The following CLTC variants were observed in gnomAD, a reference collection of about 807,000 sequenced individuals.
The protein encoded by CLTC is clathrin heavy chain.
Under a neutral mutation model 195.8 loss-of-function variants are expected in CLTC, and 16 were observed. The observed-to-expected ratio is 0.08, with a 90% CI of 0.06 to 0.12. The LOEUF (loss-of-function observed/expected upper bound fraction) is 0.12, where lower values mean the gene tolerates loss of function less well. Ranked by LOEUF, CLTC falls within the 10% of genes least tolerant of loss-of-function variation. CLTC has a pLI of 1.00. For synonymous variants in CLTC, 667 were observed against 689.4 expected (o/e 0.97, Z 0.51); for missense variants, 796 against 2,027.0 (o/e 0.39, Z 11.66).
chr17:59,644,354 A>C lies in CLTC; in HGVS notation c.121A>C (p.Arg41=), dbSNP rs547846963. 22 of 1,614,130 alleles carry C rather than the reference A, an allele frequency of 1.4e-5. No individual in the cohort carries two copies. The South Asian group carries it at 2.2e-4, about 16-fold the overall frequency. ...GGAGTCTGACAAATTCATCTGCATT[A>C]GAGAAAAAGTAGGAGAGCAGGCCCA... ...TMESDKFICI[R]EKVGEQAQVV... The change falls in exon 2 of 32, where the codon AGA becomes CGA. Residue 41 remains arginine, a synonymous_variant. Coordinates refer to ENST00000269122, the MANE Select transcript of CLTC (RefSeq NM_004859.4).
At chr17:59,656,051 C>A in intron 6 of CLTC, 24 bp downstream of exon 6, 1 of 1,589,066 alleles carries the variant, frequency 6.3e-7, no homozygotes, top group South Asian at 1.2e-5. Flanking sequence ...GAAACTTAAG[C>A]AATAAAATAA....
Position 59,666,398 on chromosome 17 carries a change from A to T in CLTC, c.1783-82A>T. 6.5e-7 allele frequency: 1 copy of T among 1,534,414 alleles called. No individual in the cohort carries two copies. The highest frequency in any genetic ancestry group is 8.9e-7 in the Non-Finnish European group (1 of 1,128,236). On this transcript the variant is annotated intron_variant, in intron 11 of 31. Coordinates refer to ENST00000269122, the MANE Select transcript of CLTC (RefSeq NM_004859.4). The surrounding 1 kb of genome is among the most constrained non-coding windows in gnomAD (Gnocchi z 4.9). ...TTTTGTACTTTAACAGTTCACTATT[A>T]AACCTTAATCTGTAATACGGATATT...
At chr17:59,665,615 G>A (rs2032711584) in intron 10 of CLTC, among the ~76,000 whole-genome samples, 1 of 152,138 alleles carries the variant, frequency 6.6e-6, no homozygotes, top group Non-Finnish European at 1.5e-5. Flanking sequence ...GAGGTGGGCA[G>A]ATCACCTGAG....
chr17:59,685,549 G>A lies in CLTC; in HGVS notation c.4606-38G>A. 6.6e-7 allele frequency: 1 copy of A among 1,512,102 alleles called. No individual in the cohort carries two copies. Among genetic ancestry groups the A allele is most frequent in the Non-Finnish European group, 9.2e-7 (1 of 1,089,756 alleles). The allele number at this position is 1,512,102 out of a possible 1,614,324, so 93.7% of individuals were successfully genotyped here. A position where few individuals can be genotyped will look rare whatever the true frequency, so the allele number is the denominator to read the frequency against. ...CTTGGTTTACTAGTTCAGTATGTGGGGTCTAATGTTTTTGACTTTCACTAT... is the reference window on the plus strand; with the variant it reads ...CTTGGTTTACTAGTTCAGTATGTGGAGTCTAATGTTTTTGACTTTCACTAT... On this transcript the variant is annotated intron_variant, in intron 29 of 31. Transcript: ENST00000269122. The surrounding 1 kb of genome is among the most constrained non-coding windows in gnomAD (Gnocchi z 5.0).
At chr17:59,668,398 A>C (rs1277159314) in intron 13 of CLTC, among the ~76,000 whole-genome samples, 40 of 152,198 alleles carry the variant, frequency 2.6e-4, no homozygotes, top group Admixed American at 2.6e-3. Flanking sequence ...ATTTTCTTAA[A>C]AATTAGCCTG....
intron 1 of CLTC, among the ~76,000 whole-genome samples, chr17:59,632,960 T>C (rs933898430): frequency 1.3e-5 from 2 of 152,210 alleles, no homozygotes; most frequent in Admixed American, 1.3e-4. Context: ...ACTTAAAATA[T>C]TGAGTTTGTG....
intron 30 of CLTC, among the ~76,000 whole-genome samples, chr17:59,686,456 C>A (rs1484437089): frequency 6.6e-6 from 1 of 152,070 alleles, no homozygotes; most frequent in Non-Finnish European, 1.5e-5. Flanking sequence ...TCCTTTTCGT[C>A]AAAGCAAAAA....
chr17:59,693,761 G>A lies in CLTC; in HGVS notation c.4937G>A (p.Ser1646Asn). 6.2e-7 allele frequency: 1 copy of A among 1,613,840 alleles called. No homozygotes were observed. Among genetic ancestry groups the A allele is most frequent in the South Asian group, 1.1e-5 (1 of 91,070 alleles). The change falls in exon 32 of 32, where the codon AGT (serine) becomes AAT (asparagine). Residue 1646 changes from serine (S) to asparagine (N), a missense_variant. By Grantham distance (46) the Ser-to-Asn change is conservative. Around this residue, in one of 9 missense-constraint regions of CLTC, gnomAD observed 148 missense variants for 279.5 expected, o/e 0.53. Coordinates refer to ENST00000269122, the MANE Select transcript of CLTC (RefSeq NM_004859.4). ...CAGTTGATGCTGACAGCAGGACCCA[G>A]TGTTGCCGTCCCTCCCCAGGCACCT... ...QPQLMLTAGP[S>N]VAVPPQAPFG...
At chr17:59,623,289 G>A (rs2031441340) in intron 1 of CLTC, among the ~76,000 whole-genome samples, 1 of 152,182 alleles carries the variant, frequency 6.6e-6, no homozygotes, top group South Asian at 2.1e-4. Flanking sequence ...TAAGTACTGG[G>A]ATTTACTACA....
At chr17:59,626,467 A>G (rs926520954) in intron 1 of CLTC, among the ~76,000 whole-genome samples, 1 of 152,226 alleles carries the variant, frequency 6.6e-6, no homozygotes, top group Admixed American at 6.5e-5. Flanking sequence ...TTAATGAATC[A>G]TATCGGATAA....
At position 59,682,241 on chromosome 17, in the gene CLTC, T is replaced by G. The variant is rs770622670; in HGVS notation, c.3443-30T>G. ...AAAGATAAACTAGGATGTTAGTGTT[T>G]GGATATATTTTTTCTTTTTCTATAC... is the stretch of plus-strand genomic sequence containing the variant. On this transcript the variant is annotated intron_variant, in intron 21 of 31. Transcript: ENST00000269122. This position sits in a 1 kb window ranked among gnomAD's most constrained non-coding sequence, Gnocchi z 6.8. 1 of 1,591,004 alleles carries G rather than the reference T, an allele frequency of 6.3e-7. No homozygotes were observed. Among genetic ancestry groups the G allele is most frequent in the Non-Finnish European group, 8.6e-7 (1 of 1,167,352 alleles).
At chr17:59,688,765 C>A (rs1416016738) in intron 30 of CLTC, among the ~76,000 whole-genome samples, 2 of 152,192 alleles carry the variant, frequency 1.3e-5, no homozygotes, top group Non-Finnish European at 2.9e-5. Context: ...CAGACCTTAA[C>A]TTTTAAACAC....
chr17:59,656,961 G>A (rs1341340985), intron 6 of CLTC, among the ~76,000 whole-genome samples: 4 of 151,826 alleles, frequency 2.6e-5, no homozygotes, highest in Non-Finnish European at 4.4e-5. Context: ...CGTGAGTCAC[G>A]GCGCACAGCC....
Position 59,689,114 on chromosome 17 carries a change from A to T in CLTC, c.4828-1522A>T, listed in dbSNP as rs1193667101. 5 of 152,328 alleles carry T rather than the reference A, an allele frequency of 3.3e-5. No homozygotes were observed. The South Asian group carries it at 1.0e-3, about 32-fold the overall frequency. The allele number at this position is 152,328 out of a possible 1,614,324, so 9.4% of individuals were successfully genotyped here. Reference sequence around the variant, plus strand: ...ATTTGTAACACATCATTTAGACTATAAAGTAGGATAATAGTGTATAAAAGT... The same window carrying T: ...ATTTGTAACACATCATTTAGACTATTAAGTAGGATAATAGTGTATAAAAGT... On this transcript the variant is annotated intron_variant, in intron 30 of 31. Coordinates refer to ENST00000269122, the MANE Select transcript of CLTC (RefSeq NM_004859.4).
In CLTC at chr17:59,666,876, G is replaced by A; in HGVS notation, c.2027G>A (p.Arg676His). Residue 676 changes from arginine (R) to histidine (H), a missense_variant, in exon 13 of 32, where the codon CGT becomes CAT. Physicochemically the swap from Arg to His is conservative, Grantham distance 29 (BLOSUM62 0). This residue lies in a region of CLTC where 293 missense variants were observed against 795.6 expected (regional missense o/e 0.37). Transcript: ENST00000269122. The surrounding 1 kb of genome is among the most constrained non-coding windows in gnomAD (Gnocchi z 4.9). Reference protein sequence around the residue: ...CLRAMLSANIRQNLQICVQVA... With the variant: ...CLRAMLSANIHQNLQICVQVA... Reference sequence around the variant, plus strand: ...AGAGCCATGCTGTCTGCCAACATCCGTCAGAATCTGCAGATTTGTGTTCAG... The same window carrying A: ...AGAGCCATGCTGTCTGCCAACATCCATCAGAATCTGCAGATTTGTGTTCAG... The A allele has an allele frequency of 1.2e-6, 2 of 1,613,876 alleles. No individual in the cohort carries two copies. Among genetic ancestry groups the A allele is most frequent in the Non-Finnish European group, 1.7e-6 (2 of 1,179,886 alleles).
At chr17:59,689,183 TCTGAAGGAGC>T (rs2033245630) in intron 30 of CLTC, 1 of 152,204 alleles carries the variant, frequency 6.6e-6, no homozygotes, top group African/African-American at 2.4e-5. Context: ...CCACATTTCA[TCTGAAGGAGC>T]CTACTTAGGC....
chr17:59,693,821 A>G lies in CLTC; in HGVS notation c.4997A>G (p.Gln1666Arg). The change falls in exon 32 of 32, where the codon CAG (glutamine) becomes CGG (arginine). Residue 1666 changes from glutamine (Q) to arginine (R), a missense_variant. Physicochemically the swap from Gln to Arg is conservative, Grantham distance 43. Coordinates refer to ENST00000269122, the MANE Select transcript of CLTC (RefSeq NM_004859.4). ...GGTTATACCGCACCACCGTATGGAC[A>G]GCCACAGCCTGGCTTTGGGTACAGC... is the stretch of plus-strand genomic sequence containing the variant. Reference protein sequence around the residue: ...GYGYTAPPYGQPQPGFGYSM With the variant: ...GYGYTAPPYGRPQPGFGYSM The G allele has an allele frequency of 6.2e-7, 1 of 1,613,084 alleles. No individual in the cohort carries two copies. The highest frequency in any genetic ancestry group is 8.5e-7 in the Non-Finnish European group (1 of 1,179,518).
rs1598252018 is a variant in CLTC, at chr17:59,693,819, A to G, written c.4995A>G (p.Gly1665=). Residue 1665 remains glycine (G), a synonymous_variant, in exon 32 of 32, where the codon GGA becomes GGG. Transcript: ENST00000269122. ...ATGGTTATACCGCACCACCGTATGG[A>G]CAGCCACAGCCTGGCTTTGGGTACA... is the stretch of plus-strand genomic sequence containing the variant. ...FGYGYTAPPY[G]QPQPGFGYSM The G allele has an allele frequency of 6.2e-7, 1 of 1,613,022 alleles. No homozygotes were observed. Among genetic ancestry groups the G allele is most frequent in the Non-Finnish European group, 8.5e-7 (1 of 1,179,502 alleles).
chr17:59,649,690 G>A (rs781193174), intron 4 of CLTC, among the ~76,000 whole-genome samples: 1 of 152,172 alleles, frequency 6.6e-6, no homozygotes, highest in Non-Finnish European at 1.5e-5. Context: ...TCTGTAGCCT[G>A]TCAGGAGAGA....
Sources: allele counts gnomAD v4.1 joint callset (sites outside exome capture counted in the v4.1 genomes callset), GRCh38; gene constraint gnomAD v4.1.1; regional missense constraint gnomAD v4.1.1; non-coding constraint Gnocchi (gnomAD v3.1); transcripts MANE v1.5; gene names NCBI Gene and HGNC (gene_info 2026-07-23, HGNC 2026-07-21).